IL1R2: variants seen among roughly 807,000 people sequenced by gnomAD.
IL1R2 encodes the protein interleukin-1 receptor type 2.
In IL1R2, 46 loss-of-function variants were observed where a neutral mutation model predicts 39.5. The ratio of observed to expected loss-of-function variants is 1.16; its 90% CI spans 0.92 to 1.49. IL1R2 has a LOEUF of 1.49. Among genes scored for constraint, IL1R2 ranks in the 40% most tolerant of loss-of-function variants. The probability of loss-of-function intolerance (pLI) is 0.00; values close to 1 mark genes in which losing one functional copy is unlikely to be tolerated. For missense variants in IL1R2, 537 were observed against 502.0 expected (o/e 1.07, Z -0.67); for synonymous variants, 207 against 189.6 (o/e 1.09, Z -0.75).
intron 5 of IL1R2, among the ~76,000 whole-genome samples, chr2:102,021,125 C>G (rs530329334): frequency 1.3e-5 from 2 of 152,196 alleles, no homozygotes; most frequent in South Asian, 4.1e-4. Context: ...GTCGAAAAGC[C>G]GTCTGCCCCT....
chr2:101,998,674 C>T (rs192025455), intron 1 of IL1R2, among the ~76,000 whole-genome samples: 11 of 152,276 alleles, frequency 7.2e-5, no homozygotes, highest in Non-Finnish European at 4.4e-5. Flanking sequence ...GGTGCCTTTG[C>T]AGGGTTCCTG....
chr2:102,002,388 C>T (rs1675918004), intron 1 of IL1R2, among the ~76,000 whole-genome samples: 1 of 147,938 alleles, frequency 6.8e-6, no homozygotes, highest in Non-Finnish European at 1.5e-5. Context: ...AAGTCTAGGT[C>T]TAGGTCTGTG....
intron 1 of IL1R2, among the ~76,000 whole-genome samples, chr2:101,992,492 CAG>C: frequency 7.9e-6 from 1 of 126,360 alleles, no homozygotes; most frequent in South Asian, 2.6e-4. Context: ...GGCAGAGAGA[CAG>C]AGATGGAGAG....
chr2:101,999,994 G>C (rs1675771480), intron 1 of IL1R2, among the ~76,000 whole-genome samples: 3 of 152,140 alleles, frequency 2.0e-5, no homozygotes, highest in African/African-American at 7.2e-5. Flanking sequence ...TTTTAGTATA[G>C]TAACTGGTGT....
intron 6 of IL1R2, 61 bp downstream of exon 6, chr2:102,022,310 A>C: frequency 4.2e-6 from 6 of 1,426,238 alleles, no homozygotes; most frequent in Non-Finnish European, 5.0e-6. Flanking sequence ...ATCCCAATGC[A>C]GGGGGCTTGG....
chr2:102,010,095 CTG>C, intron 3 of IL1R2: 1 of 471,550 alleles, frequency 2.1e-6, no homozygotes, highest in Non-Finnish European at 3.8e-6. Context: ...TCTCCTTACC[CTG>C]CTGTAGTTTC....
At chr2:101,998,366 G>A (rs370682454) in intron 1 of IL1R2, among the ~76,000 whole-genome samples, 29 of 152,244 alleles carry the variant, frequency 1.9e-4, no homozygotes, top group African/African-American at 6.3e-4. Flanking sequence ...ATCAGCTGCC[G>A]CTTTTTTCAG....
At chr2:102,003,702 G>A (rs1414815352) in intron 1 of IL1R2, among the ~76,000 whole-genome samples, 4 of 150,442 alleles carry the variant, frequency 2.7e-5, no homozygotes, top group Non-Finnish European at 5.9e-5. Flanking sequence ...CTAGGCCTAT[G>A]TCTATGTCTG....
intron 4 of IL1R2, chr2:102,016,564 A>G (rs1677017010): frequency 6.5e-6 from 1 of 153,714 alleles, no homozygotes; most frequent in Non-Finnish European, 1.4e-5. Context: ...GCCTAGGAGC[A>G]GCAGGCTGTA....
intron 6 of IL1R2, chr2:102,023,417 G>C (rs1677519879): frequency 6.6e-6 from 1 of 152,244 alleles, no homozygotes; most frequent in African/African-American, 2.4e-5. Context: ...TCCAGGCCCA[G>C]TTCCCAATCA....
intron 1 of IL1R2, among the ~76,000 whole-genome samples, chr2:101,993,731 A>C (rs1315502310): frequency 6.6e-6 from 1 of 151,872 alleles, no homozygotes; most frequent in Non-Finnish European, 1.5e-5. Flanking sequence ...CTTTAATTGC[A>C]TTCCCTTTTG....
chr2:101,995,141 A>G (rs939056235), intron 1 of IL1R2, among the ~76,000 whole-genome samples: 2 of 152,230 alleles, frequency 1.3e-5, no homozygotes, highest in African/African-American at 4.8e-5. Flanking sequence ...TGAAGTTAAT[A>G]AAAAAGGTCA....
At chr2:101,994,075 C>A (rs956751207) in intron 1 of IL1R2, among the ~76,000 whole-genome samples, 1 of 152,178 alleles carries the variant, frequency 6.6e-6, no homozygotes, top group East Asian at 1.9e-4. Context: ...TTTCTTCTAA[C>A]CTCATTTAGA....
chr2:102,028,116 C>T, intron 8 of IL1R2, 110 bp from the exon 9 acceptor site: 1 of 906,574 alleles, frequency 1.1e-6, no homozygotes, highest in South Asian at 2.6e-5. Context: ...GCACATTTAT[C>T]AAGAAAAACA....
chr2:102,020,006 G>T (rs1374265207), intron 5 of IL1R2, among the ~76,000 whole-genome samples, 194 bp downstream of exon 5: 1 of 152,214 alleles, frequency 6.6e-6, no homozygotes, highest in Non-Finnish European at 1.5e-5. Context: ...TCAGGGTGTT[G>T]TTCTGAGAAC....
intron 1 of IL1R2, among the ~76,000 whole-genome samples, chr2:102,000,475 G>C (rs1274333852): frequency 6.6e-6 from 1 of 152,184 alleles, no homozygotes; most frequent in East Asian, 1.9e-4. Flanking sequence ...CTTCCCCACA[G>C]GGTCGAATAT....
At chr2:102,002,346 G>C (rs201899614) in intron 1 of IL1R2, among the ~76,000 whole-genome samples, 8 of 49,488 alleles carry the variant, frequency 1.6e-4, no homozygotes, top group African/African-American at 8.0e-4. Flanking sequence ...GTGTCTGCGG[G>C]TGTGTCTGTG....
At chr2:102,017,655 G>GA (rs1677091675) in intron 4 of IL1R2, among the ~76,000 whole-genome samples, 2 of 151,872 alleles carry the variant, frequency 1.3e-5, no homozygotes, top group African/African-American at 4.8e-5. Flanking sequence ...TTAAATGTTG[G>GA]AAAAAAAGTA....
chr2:102,026,074 A>G, intron 7 of IL1R2, 37 bp from the exon 8 acceptor site: 1 of 1,518,622 alleles, frequency 6.6e-7, no homozygotes, highest in Non-Finnish European at 9.1e-7. Flanking sequence ...CTTGCATTCG[A>G]TACAATCATA....
Sources: gnomAD v4.1 joint callset for allele counts (sites outside exome capture counted in the v4.1 genomes callset) on GRCh38, gnomAD v4.1.1 for gene constraint, MANE v1.5 for transcripts, NCBI Gene and HGNC (gene_info 2026-07-23, HGNC 2026-07-21) for gene names.